PRDM5: variants seen among roughly 807,000 people sequenced by gnomAD.
PRDM5 encodes PR/SET domain 5.
PRDM5 carries 56 observed loss-of-function variants against 81.2 expected under a neutral mutation model. That is an observed-to-expected ratio of 0.69 (90% CI 0.56 to 0.86). PRDM5 has a LOEUF of 0.86. PRDM5 is among the 40% of genes least tolerant of loss of function. The pLI is 0.00. For missense variants in PRDM5, 697 were observed against 770.1 expected, an observed-to-expected ratio of 0.91 and a Z score of 1.12; for synonymous variants, 267 against 256.4, an observed-to-expected ratio of 1.04 and a Z score of -0.39.
intron 15 of PRDM5, 73 bp downstream of exon 15, chr4:120,710,236 C>T: frequency 6.5e-6 from 8 of 1,224,164 alleles, no homozygotes; most frequent in Non-Finnish European, 8.3e-6. Flanking sequence ...CACACACACA[C>T]ACATACACAC....
At chr4:120,747,302 G>A (rs864014) in intron 14 of PRDM5, among the ~76,000 whole-genome samples, 1,158 of 101,840 alleles carry the variant, frequency 0.011, 8 homozygotes, top group Middle Eastern at 0.036. Flanking sequence ...GGGGAGGGGG[G>A]AGGGATAGCA....
chr4:120,903,711 G>A (rs1284861061), intron 2 of PRDM5, among the ~76,000 whole-genome samples: 1 of 152,130 alleles, frequency 6.6e-6, no homozygotes, highest in Non-Finnish European at 1.5e-5. Context: ...AATCATTGGG[G>A]CAGTTTACCC....
In PRDM5 at chr4:120,768,855, TAGTG is replaced by T. The variant is rs149626028; in HGVS notation, c.1537+8329_1537+8332del. Among the ~76,000 whole-genome samples, 45 of 152,334 alleles carry T rather than the reference TAGTG, an allele frequency of 3.0e-4. No homozygotes were observed. In the East Asian group the frequency reaches 5.6e-3, roughly 19 times the overall value. On this transcript the variant is annotated intron_variant, in intron 13 of 15. Transcript: ENST00000264808. ...TTAAGCACTGTAAGTTTATAGGCAC[TAGTG>T]AGTTAGATCTTGAACCATGTTATTA...
chr4:120,763,081 G>A (rs959177191), intron 13 of PRDM5, among the ~76,000 whole-genome samples: 2 of 152,082 alleles, frequency 1.3e-5, no homozygotes, highest in Admixed American at 6.5e-5. Flanking sequence ...TTCTTTAAAC[G>A]ATGCTTTATT....
At chr4:120,793,610 A>G (rs1750902885) in intron 10 of PRDM5, among the ~76,000 whole-genome samples, 1 of 152,184 alleles carries the variant, frequency 6.6e-6, no homozygotes, top group Admixed American at 6.5e-5. Flanking sequence ...GAAGATTGCT[A>G]AGAAAGTAGA....
chr4:120,858,711 G>A (rs559847383), intron 2 of PRDM5, among the ~76,000 whole-genome samples: 1 of 152,044 alleles, frequency 6.6e-6, no homozygotes, highest in Non-Finnish European at 1.5e-5. Context: ...CTCTGCCCTG[G>A]GAAAGCAGAT....
At chr4:120,915,869 G>T (rs911537810) in intron 1 of PRDM5, among the ~76,000 whole-genome samples, 3 of 152,106 alleles carry the variant, frequency 2.0e-5, no homozygotes, top group African/African-American at 7.2e-5. Flanking sequence ...ATAAGAGGGC[G>T]AATGGAACAA....
chr4:120,767,608 C>T (rs573923392), intron 13 of PRDM5, among the ~76,000 whole-genome samples: 75 of 152,258 alleles, frequency 4.9e-4, no homozygotes, highest in African/African-American at 1.8e-3. Flanking sequence ...CAATTAGTAA[C>T]CATTTCCTAG....
chr4:120,888,620 T>G (rs999323664), intron 2 of PRDM5, among the ~76,000 whole-genome samples: 1 of 152,208 alleles, frequency 6.6e-6, no homozygotes, highest in African/African-American at 2.4e-5. Flanking sequence ...TTAATATCTG[T>G]CTAGTGGAAC....
chr4:120,757,676 T>C (rs1293854600), intron 13 of PRDM5, among the ~76,000 whole-genome samples: 1 of 152,166 alleles, frequency 6.6e-6, no homozygotes, highest in East Asian at 1.9e-4. Flanking sequence ...GGAGGAAAAG[T>C]GAATTAATTA....
intron 14 of PRDM5, among the ~76,000 whole-genome samples, chr4:120,752,165 G>GT (rs1256396331): frequency 6.6e-6 from 1 of 152,140 alleles, no homozygotes; most frequent in African/African-American, 2.4e-5. Context: ...TTTAATAATA[G>GT]TTTGATTGTA....
At chr4:120,722,998 C>T (rs182827436) in intron 14 of PRDM5, among the ~76,000 whole-genome samples, 60 of 152,314 alleles carry the variant, frequency 3.9e-4, no homozygotes, top group South Asian at 2.7e-3. Flanking sequence ...TATAAATCCT[C>T]ATCTTTTAAG....
At chr4:120,842,028 C>G (rs1234901911) in intron 3 of PRDM5, among the ~76,000 whole-genome samples, 1 of 152,168 alleles carries the variant, frequency 6.6e-6, no homozygotes, top group Non-Finnish European at 1.5e-5. Flanking sequence ...TTCTCAGTAG[C>G]CTTAGCTATT....
At position 120,755,641 on chromosome 4, in the gene PRDM5, A is replaced by C. The variant is rs568951317; in HGVS notation, c.1538-1003T>G. Among the ~76,000 whole-genome samples the C allele has an allele frequency of 1.8e-3, 276 of 152,262 alleles. 1 individual carries two copies. The highest frequency in any genetic ancestry group is 6.8e-3 in the Middle Eastern group (2 of 294). ...CCCAGTCAACTCTCTCATGGGGTCA[A>C]CAATGCCCCTTGTTGCTTGATCCAG... On this transcript the variant is annotated intron_variant, in intron 13 of 15. Coordinates refer to ENST00000264808, the MANE Select transcript of PRDM5 (RefSeq NM_018699.4).
At chr4:120,686,401 C>T (rs1175928958) in intron 1 of PRDM5, among the ~76,000 whole-genome samples, 1 of 151,948 alleles carries the variant, frequency 6.6e-6, no homozygotes, top group Non-Finnish European at 1.5e-5. Context: ...TTACATTGTA[C>T]CTTTGTTAAA....
rs762407451 is a variant in PRDM5 at position 120,777,274 on chromosome 4, G to C, written c.1451C>G (p.Thr484Arg). 4.3e-6 allele frequency: 7 copies of C among 1,613,072 alleles called. No individual in the cohort carries two copies. The highest frequency in any genetic ancestry group is 5.1e-6 in the Non-Finnish European group (6 of 1,179,456). The change falls in exon 13 of 16, where the codon ACA (threonine) becomes AGA (arginine). Residue 484 changes from threonine (T) to arginine (R), a missense_variant. Physicochemically the swap from Thr to Arg is moderately conservative, Grantham distance 71 (BLOSUM62 -1). This residue lies in a region of PRDM5 where 577 missense variants were observed against 606.7 expected (regional missense o/e 0.95). Coordinates refer to ENST00000264808, the MANE Select transcript of PRDM5 (RefSeq NM_018699.4). The part of the protein sequence containing the change: ...SVLRSHKKTH[T>R]GEKEKICPYC... ...TGGACAGATTTTCTCCTTTTCTCCT[G>C]TATGTGTCTAAAAGGAAAGGGATAA...
At chr4:120,726,662 G>A (rs1739456011) in intron 14 of PRDM5, among the ~76,000 whole-genome samples, 1 of 152,194 alleles carries the variant, frequency 6.6e-6, no homozygotes, top group South Asian at 2.1e-4. Flanking sequence ...AATGCTCAGA[G>A]AGAATTCAGT....
intron 13 of PRDM5, among the ~76,000 whole-genome samples, chr4:120,761,848 A>G (rs1745659309): frequency 6.6e-6 from 1 of 152,158 alleles, no homozygotes; most frequent in Admixed American, 6.6e-5. Flanking sequence ...TGTTCATGCT[A>G]CTAAATACAC....
chr4:120,747,799 T>G (rs1743359108), intron 14 of PRDM5, among the ~76,000 whole-genome samples: 1 of 152,230 alleles, frequency 6.6e-6, no homozygotes, highest in South Asian at 2.1e-4. Context: ...TGGCTGTTTC[T>G]GCAAACAAGG....
Sources: gnomAD v4.1 joint callset for allele counts (sites outside exome capture counted in the v4.1 genomes callset) on GRCh38, gnomAD v4.1.1 for gene constraint, gnomAD v4.1.1 regional missense constraint, MANE v1.5 for transcripts, NCBI Gene and HGNC (gene_info 2026-07-23, HGNC 2026-07-21) for gene names.